Variants in ZFHX3 observed in about 807,000 individuals in gnomAD.
ZFHX3 encodes the protein zinc finger homeobox protein 3.
In ZFHX3, 42 loss-of-function variants were observed where a neutral mutation model predicts 279.1. That is an observed-to-expected ratio of 0.15 (90% CI 0.12 to 0.19). ZFHX3 has a LOEUF of 0.19. Ranked by LOEUF, ZFHX3 falls within the 10% of genes least tolerant of loss-of-function variation. ZFHX3 has a pLI of 1.00. For synonymous variants in ZFHX3, 2,293 were observed against 1,957.8 expected (o/e 1.17, Z -4.52); for missense variants, 4,981 against 4,754.0 (o/e 1.05, Z -1.40).
rs141931926 is a variant in ZFHX3, at chr16:72,787,478, G to C, written c.10798C>G (p.Pro3600Ala). 181 of 1,607,082 alleles carry C rather than the reference G, an allele frequency of 1.1e-4. No individual in the cohort carries two copies. In the East Asian group the frequency reaches 1.5e-3, roughly 14 times the overall value. ...AAHSNDSPPP[P>A]SAAAPSSASP... Reference sequence around the variant, plus strand: ...GCGGAGGAGGGGGCGGCGGCCGACGGGGGAGGGGGGCTGTCGTTTGAGTGA... The same window carrying C: ...GCGGAGGAGGGGGCGGCGGCCGACGCGGGAGGGGGGCTGTCGTTTGAGTGA... Residue 3600 changes from proline (P) to alanine (A), a missense_variant, in exon 10 of 10, where the codon CCG becomes GCG. This residue lies in a region of ZFHX3 where 1,034 missense variants were observed against 786.0 expected (regional missense o/e 1.32). Transcript: ENST00000268489.
At chr16:72,969,284 C>A (rs1961993570) in intron 1 of ZFHX3, among the ~76,000 whole-genome samples, 1 of 151,956 alleles carries the variant, frequency 6.6e-6, no homozygotes, top group Admixed American at 6.6e-5. Flanking sequence ...ACTGGTCTCC[C>A]CTTCCTCCAG....
chr16:73,145,321 C>G (rs990011194), intron 5 of ZFHX3, among the ~76,000 whole-genome samples: 1 of 152,132 alleles, frequency 6.6e-6, no homozygotes, highest in Non-Finnish European at 1.5e-5. Flanking sequence ...ATGTCAGGGT[C>G]CAATGCCAGG....
At chr16:72,951,265 T>C in intron 2 of ZFHX3, among the ~76,000 whole-genome samples, 1 of 146,280 alleles carries the variant, frequency 6.8e-6, no homozygotes, top group Admixed American at 6.8e-5. Flanking sequence ...TTTCCTTTTC[T>C]TTTTTTTTTT....
intron 3 of ZFHX3, among the ~76,000 whole-genome samples, chr16:72,901,555 G>A (rs1439453852): frequency 6.6e-6 from 1 of 152,118 alleles, no homozygotes; most frequent in East Asian, 1.9e-4. Flanking sequence ...GAAAGTGACG[G>A]GGCGAGGCAG....
chr16:72,869,661 T>G (rs2038108146), intron 4 of ZFHX3, among the ~76,000 whole-genome samples: 1 of 152,206 alleles, frequency 6.6e-6, no homozygotes, highest in South Asian at 2.1e-4. Context: ...GAGTATAGGC[T>G]AAAAATAAAC....
chr16:72,815,847 G>C (rs181077343), intron 5 of ZFHX3, among the ~76,000 whole-genome samples: 1 of 152,322 alleles, frequency 6.6e-6, no homozygotes, highest in East Asian at 1.9e-4. Context: ...ACAACTTGAA[G>C]CGTTAGTAAC....
intron 1 of ZFHX3, among the ~76,000 whole-genome samples, chr16:73,718,181 G>T (rs995018530): frequency 2.6e-5 from 4 of 152,150 alleles, no homozygotes; most frequent in South Asian, 2.1e-4. Flanking sequence ...GAAGCCAAAG[G>T]GGGTAGATGA....
intron 2 of ZFHX3, among the ~76,000 whole-genome samples, chr16:73,671,304 C>T (rs1002927453): frequency 1.3e-5 from 2 of 152,152 alleles, no homozygotes; most frequent in African/African-American, 4.8e-5. Context: ...AGCGAAAGAA[C>T]AGCAACGGAA....
intron 1 of ZFHX3, among the ~76,000 whole-genome samples, chr16:72,961,535 C>T (rs916083663): frequency 3.9e-5 from 6 of 152,232 alleles, no homozygotes; most frequent in African/African-American, 1.4e-4. Context: ...CATGTGGCTG[C>T]TCCTCCACCC....
At chr16:72,931,770 T>A (rs1185572515) in intron 3 of ZFHX3, among the ~76,000 whole-genome samples, 1 of 152,130 alleles carries the variant, frequency 6.6e-6, no homozygotes, top group Admixed American at 6.5e-5. Context: ...TGTTAAGTCA[T>A]CCGAGCCACG....
intron 1 of ZFHX3, among the ~76,000 whole-genome samples, chr16:73,771,275 C>T (rs1447567398): frequency 6.6e-6 from 1 of 152,136 alleles, no homozygotes; most frequent in Non-Finnish European, 1.5e-5. Flanking sequence ...CTGGAAGTTT[C>T]CAAGTGGTAC....
rs566059479 is a variant in ZFHX3 at position 73,509,671 on chromosome 16, C to T, written c.-1546-53413G>A. Among the ~76,000 whole-genome samples the T allele has an allele frequency of 1.0e-4, 15 of 148,110 alleles. 1 individual carries two copies. The highest frequency in any genetic ancestry group is 3.8e-4 in the African/African-American group (15 of 39,212). ...TCCTGAGTAGCTGGGATTATAGGCGCCCACCACCATGCCCGGCTGATTTTT... is the reference window on the plus strand; with the variant it reads ...TCCTGAGTAGCTGGGATTATAGGCGTCCACCACCATGCCCGGCTGATTTTT... On this transcript the variant is annotated intron_variant, in intron 2 of 17. Coordinates refer to the ZFHX3 transcript ENST00000641206.
In ZFHX3 at chr16:73,312,815, A is replaced by C. The variant is rs74030055; in HGVS notation, c.-1194+5425T>G. Reference sequence around the variant, plus strand: ...TATCAGATTCTACAGCAATGCCAATAATAGTAATAGTAATCATCATAACTG... The same window carrying C: ...TATCAGATTCTACAGCAATGCCAATCATAGTAATAGTAATCATCATAACTG... On this transcript the variant is annotated intron_variant, in intron 4 of 17. Coordinates refer to the ZFHX3 transcript ENST00000641206. 6.5e-3 allele frequency among the ~76,000 whole-genome samples: 983 copies of C among 152,360 alleles called. 15 individuals are homozygous for C. Among genetic ancestry groups the C allele is most frequent in the African/African-American group, 0.022 (925 of 41,582 alleles).
intron 1 of ZFHX3, among the ~76,000 whole-genome samples, chr16:73,835,458 CTTTTT>C (rs34127285): frequency 6.9e-4 from 34 of 49,510 alleles, no homozygotes; most frequent in African/African-American, 2.4e-3. Context: ...CCCTCTTCTG[CTTTTT>C]TTTTTTTTTT....
intron 3 of ZFHX3, among the ~76,000 whole-genome samples, chr16:73,425,561 G>T (rs2017795856): frequency 1.3e-5 from 2 of 152,162 alleles, no homozygotes; most frequent in Non-Finnish European, 1.5e-5. Flanking sequence ...CAGAGCCTAG[G>T]TGTTTATAGC....
At chr16:73,840,671 A>C (rs528712504) in intron 1 of ZFHX3, among the ~76,000 whole-genome samples, 1 of 152,306 alleles carries the variant, frequency 6.6e-6, no homozygotes, top group South Asian at 2.1e-4. Flanking sequence ...GGCACTGTAC[A>C]GTTGTGGTTC....
chr16:73,119,628 G>C (rs1461042435), intron 7 of ZFHX3, among the ~76,000 whole-genome samples: 1 of 152,164 alleles, frequency 6.6e-6, no homozygotes, highest in Non-Finnish European at 1.5e-5. Flanking sequence ...TCCTTACTGA[G>C]ATCTGTTTGA....
chr16:72,899,283 C>T (rs2038974513), intron 3 of ZFHX3, among the ~76,000 whole-genome samples: 2 of 152,076 alleles, frequency 1.3e-5, no homozygotes, highest in South Asian at 4.2e-4. Flanking sequence ...ATCATGGGTG[C>T]AGTTACCCCT....
intron 1 of ZFHX3, among the ~76,000 whole-genome samples, chr16:73,774,677 G>A (rs1018924551): frequency 2.0e-5 from 3 of 152,194 alleles, no homozygotes; most frequent in Admixed American, 1.3e-4. Flanking sequence ...ACAAGGAACA[G>A]CTGGGCAACA....
Sources: allele counts gnomAD v4.1 joint callset (sites outside exome capture counted in the v4.1 genomes callset), GRCh38; gene constraint gnomAD v4.1.1; regional missense constraint gnomAD v4.1.1; transcripts MANE v1.5; gene names NCBI Gene and HGNC (gene_info 2026-07-23, HGNC 2026-07-21).